Variants in DAAM1 observed in about 807,000 individuals in gnomAD.
DAAM1 encodes dishevelled associated activator of morphogenesis 1.
A neutral mutation model predicts 130.0 loss-of-function variants in DAAM1; 52 were observed. That is an observed-to-expected ratio of 0.40 (90% CI 0.32 to 0.50). DAAM1 has a LOEUF of 0.50. Among genes scored for constraint, DAAM1 ranks in the 20% least tolerant of loss-of-function variants. The pLI is 0.61. For synonymous variants in DAAM1, 452 were observed against 444.5 expected, an observed-to-expected ratio of 1.02 and a Z score of -0.21; for missense variants, 1,134 against 1,303.8, an observed-to-expected ratio of 0.87 and a Z score of 2.01.
intron 1 of DAAM1, among the ~76,000 whole-genome samples, chr14:59,261,661 C>T (rs552182520): frequency 1.3e-5 from 2 of 152,290 alleles, no homozygotes; most frequent in East Asian, 1.9e-4. Context: ...TTCAAGTCAG[C>T]GGAGGACTAG....
intron 1 of DAAM1, among the ~76,000 whole-genome samples, chr14:59,200,926 C>G (rs535404563): frequency 6.6e-6 from 1 of 152,170 alleles, no homozygotes; most frequent in South Asian, 2.1e-4. Context: ...CTTTGGGAGG[C>G]CAAGGCGGGC....
intron 1 of DAAM1, among the ~76,000 whole-genome samples, chr14:59,192,628 A>AT (rs1013738066): frequency 2.0e-5 from 3 of 152,102 alleles, no homozygotes; most frequent in Admixed American, 1.3e-4. Context: ...TTCTGTTGTG[A>AT]TTTTTTCCTC....
At chr14:59,288,402 AAAAC>A (rs1046623747) in intron 2 of DAAM1, among the ~76,000 whole-genome samples, 79 of 152,336 alleles carry the variant, frequency 5.2e-4, no homozygotes, top group African/African-American at 1.8e-3. Context: ...AATGGGAACA[AAAAC>A]AAAAATTGAC....
Position 59,341,613 on chromosome 14 carries a change from C to A in DAAM1, c.2075+1433C>A, listed in dbSNP as rs139932378. Among the ~76,000 whole-genome samples the A allele has an allele frequency of 2.0e-3, 310 of 152,234 alleles. 1 individual carries two copies. Among genetic ancestry groups the A allele is most frequent in the African/African-American group, 7.0e-3 (290 of 41,542 alleles). ...GGTATGTATGTATAGACAAAAAAAA[C>A]ATAGTCTATGTAAGGATCAATACTA... is the stretch of plus-strand genomic sequence containing the variant. On this transcript the variant is annotated intron_variant, in intron 16 of 24. Transcript: ENST00000360909.
In DAAM1 at chr14:59,356,970, G is replaced by T. The variant is rs372846250; in HGVS notation, c.2525+1637G>T. Reference sequence around the variant, plus strand: ...TGCCTGTAAGCAGTCACCCATGAACGTTGTTCAGTTGAATCTAATCAGATA... The same window carrying T: ...TGCCTGTAAGCAGTCACCCATGAACTTTGTTCAGTTGAATCTAATCAGATA... On this transcript the variant is annotated intron_variant, in intron 20 of 24. Coordinates refer to ENST00000360909, the MANE Select transcript of DAAM1 (RefSeq NM_001270520.2). Among the ~76,000 whole-genome samples the T allele has an allele frequency of 5.3e-5, 8 of 152,278 alleles. No individual in the cohort carries two copies. The South Asian group carries it at 1.7e-3, about 32-fold the overall frequency.
At chr14:59,193,968 TCATTGACTGCA>T (rs1240320914) in intron 1 of DAAM1, among the ~76,000 whole-genome samples, 6 of 152,200 alleles carry the variant, frequency 3.9e-5, no homozygotes, top group Non-Finnish European at 4.4e-5. Flanking sequence ...ATGGGCTACG[TCATTGACTGCA>T]CATAATTATA....
At chr14:59,266,158 G>T (rs957862338) in intron 2 of DAAM1, 4 of 150,900 alleles carry the variant, frequency 2.7e-5, no homozygotes, top group African/African-American at 9.8e-5. Flanking sequence ...TTGGTGTTTG[G>T]ATTAAAAAAA....
chr14:59,288,832 GGAGAGAGAGA>G (rs58762540), intron 2 of DAAM1, among the ~76,000 whole-genome samples: 3 of 143,886 alleles, frequency 2.1e-5, no homozygotes, highest in Admixed American at 1.4e-4. Flanking sequence ...TGTGATAGCA[GGAGAGAGAGA>G]GAGAGAGAGA....
At chr14:59,288,446 C>T (rs1389209441) in intron 2 of DAAM1, among the ~76,000 whole-genome samples, 1 of 152,120 alleles carries the variant, frequency 6.6e-6, no homozygotes, top group Non-Finnish European at 1.5e-5. Context: ...AGTTTCTCCA[C>T]AGCAAAAGAC....
chr14:59,236,080 C>T (rs1440415226), intron 1 of DAAM1, among the ~76,000 whole-genome samples: 1 of 152,106 alleles, frequency 6.6e-6, no homozygotes, highest in Non-Finnish European at 1.5e-5. Flanking sequence ...TTTTGTTCCC[C>T]CCAACCCACT....
At chr14:59,367,156 TTTGTGCCTGTA>T (rs1886949912) in intron 23 of DAAM1, among the ~76,000 whole-genome samples, 1 of 151,874 alleles carries the variant, frequency 6.6e-6, no homozygotes, top group Non-Finnish European at 1.5e-5. Context: ...GGCATGGTGG[TTTGTGCCTGTA>T]ATCCCAGCTA....
At chr14:59,322,853 C>T (rs1333264490) in intron 5 of DAAM1, 39 bp from the exon 6 acceptor site, 1 of 1,530,828 alleles carries the variant, frequency 6.5e-7, no homozygotes, top group Non-Finnish European at 8.9e-7. Flanking sequence ...TTATAAAACC[C>T]AAAGGCACTT....
chr14:59,288,917 G>T (rs1412317287), intron 2 of DAAM1, among the ~76,000 whole-genome samples: 2 of 132,374 alleles, frequency 1.5e-5, no homozygotes, highest in East Asian at 2.0e-4. Flanking sequence ...TTGTTTTTTT[G>T]TTGTTGTTTT....
intron 16 of DAAM1, among the ~76,000 whole-genome samples, chr14:59,345,730 T>C (rs2139658321): frequency 1.3e-5 from 2 of 152,312 alleles, no homozygotes; most frequent in South Asian, 4.1e-4. Context: ...GTGTGTGCTT[T>C]ACACACCTTT....
chr14:59,361,478 C>T (rs888437696), intron 22 of DAAM1, among the ~76,000 whole-genome samples: 2 of 152,036 alleles, frequency 1.3e-5, no homozygotes, highest in Non-Finnish European at 2.9e-5. Flanking sequence ...ACAATTGGCC[C>T]CTATTGGAGG....
chr14:59,270,292 G>C (rs1181080224), intron 2 of DAAM1, among the ~76,000 whole-genome samples: 1 of 152,178 alleles, frequency 6.6e-6, no homozygotes, highest in Non-Finnish European at 1.5e-5. Context: ...TCTGCATCTG[G>C]TGAGGGCCTC....
chr14:59,305,805 T>C (rs937035928), intron 3 of DAAM1, among the ~76,000 whole-genome samples: 8 of 152,368 alleles, frequency 5.3e-5, no homozygotes, highest in Admixed American at 2.0e-4. Flanking sequence ...TTCTTGCTTT[T>C]CTGGGTGTGT....
intron 1 of DAAM1, among the ~76,000 whole-genome samples, chr14:59,192,065 G>T (rs1265063198): frequency 3.3e-5 from 5 of 151,918 alleles, no homozygotes; most frequent in African/African-American, 1.2e-4. Context: ...TCCTTGGGTG[G>T]TGCTTACAGG....
chr14:59,319,764 G>A (rs1884934341), intron 4 of DAAM1, among the ~76,000 whole-genome samples: 2 of 152,158 alleles, frequency 1.3e-5, no homozygotes, highest in East Asian at 1.9e-4. Context: ...TTGCTTCTGC[G>A]GCATCAGCAT....
Sources: gnomAD v4.1 joint callset for allele counts (sites outside exome capture counted in the v4.1 genomes callset) on GRCh38, gnomAD v4.1.1 for gene constraint, MANE v1.5 for transcripts, NCBI Gene and HGNC (gene_info 2026-07-23, HGNC 2026-07-21) for gene names.